Variants in TRAF3IP1 observed in about 807,000 individuals in gnomAD.
TRAF3IP1 encodes the protein TRAF3-interacting protein 1.
A neutral mutation model predicts 89.9 loss-of-function variants in TRAF3IP1; 53 were observed. That is an observed-to-expected ratio of 0.59 (90% CI 0.47 to 0.74). TRAF3IP1 has a LOEUF of 0.74. Ranked by LOEUF, TRAF3IP1 falls within the 30% of genes least tolerant of loss-of-function variation. The pLI, the probability that TRAF3IP1 is intolerant of heterozygous loss-of-function variation, is 0.00. For missense variants in TRAF3IP1, 806 were observed against 866.1 expected (o/e 0.93, Z 0.87); for synonymous variants, 311 against 322.1 (o/e 0.97, Z 0.37).
rs1225807691 is a variant in TRAF3IP1 at position 238,379,859 on chromosome 2, A to G, written c.1690-17600A>G. ...AAAATGATTAATATTTTAGTAAGAC[A>G]TTTAAAATAGCAAATCCAATTAGTT... On this transcript the variant is annotated intron_variant, in intron 15 of 16. Transcript: ENST00000373327. The surrounding 1 kb of genome is among the most constrained non-coding windows in gnomAD (Gnocchi z 4.0). Among the ~76,000 whole-genome samples the G allele has an allele frequency of 6.6e-6, 1 of 152,250 alleles. No individual in the cohort carries two copies. Among genetic ancestry groups the G allele is most frequent in the African/African-American group, 2.4e-5 (1 of 41,468 alleles).
At chr2:238,375,864 C>A (rs983393838) in intron 15 of TRAF3IP1, among the ~76,000 whole-genome samples, 1 of 152,050 alleles carries the variant, frequency 6.6e-6, no homozygotes, top group African/African-American at 2.4e-5. Context: ...ATGCTTAATC[C>A]ACCTGGAGTT....
In TRAF3IP1 at chr2:238,367,163, C is replaced by CAAAAAAAAAAAA. The variant is rs33964253; in HGVS notation, c.1689+11098_1689+11109dup. Among the ~76,000 whole-genome samples, 19 of 36,162 alleles carry CAAAAAAAAAAAA rather than the reference C, an allele frequency of 5.3e-4. 2 individuals are homozygous for CAAAAAAAAAAAA. The highest frequency in any genetic ancestry group is 8.1e-4 in the African/African-American group (6 of 7,378). 23.7% of individuals were successfully genotyped at this position (36,162 alleles called of 152,430 possible). On this transcript the variant is annotated intron_variant, in intron 15 of 16. Coordinates refer to ENST00000373327, the MANE Select transcript of TRAF3IP1 (RefSeq NM_015650.4). ...TGGGTGACAAAGCAAGACTCTGTCT[C>CAAAAAAAAAAAA]AAAAAAAAAAAAAAAAAAAAAAAAA...
intron 15 of TRAF3IP1, among the ~76,000 whole-genome samples, chr2:238,388,727 T>C (rs1319776187): frequency 1.3e-5 from 2 of 151,412 alleles, no homozygotes; most frequent in Non-Finnish European, 2.9e-5. Context: ...CTGTAACCTC[T>C]GCATCCTGGG....
intron 15 of TRAF3IP1, among the ~76,000 whole-genome samples, chr2:238,359,401 C>G (rs1367687594): frequency 6.6e-6 from 1 of 152,112 alleles, no homozygotes; most frequent in Admixed American, 6.5e-5. Context: ...CCCCTCTGCT[C>G]TGGTTCACTG....
chr2:238,373,740 C>T (rs1311612714), intron 15 of TRAF3IP1, among the ~76,000 whole-genome samples: 4 of 152,044 alleles, frequency 2.6e-5, no homozygotes, highest in Admixed American at 6.6e-5. Context: ...GCCATTTTCA[C>T]GATATTGATT....
chr2:238,358,653 T>G (rs1479121208), intron 15 of TRAF3IP1, among the ~76,000 whole-genome samples: 3 of 152,220 alleles, frequency 2.0e-5, no homozygotes, highest in Non-Finnish European at 4.4e-5. Flanking sequence ...CCTCGTGGTG[T>G]TTTTTGAGTT....
At chr2:238,358,712 GC>G (rs921722227) in intron 15 of TRAF3IP1, among the ~76,000 whole-genome samples, 2 of 152,060 alleles carry the variant, frequency 1.3e-5, no homozygotes, top group Non-Finnish European at 1.5e-5. Context: ...CTTTCTTCAT[GC>G]AGCATGTTTC....
At chr2:238,342,078 T>G (rs776762468) in intron 8 of TRAF3IP1, among the ~76,000 whole-genome samples, 6 of 152,242 alleles carry the variant, frequency 3.9e-5, no homozygotes, top group South Asian at 4.1e-4. Flanking sequence ...AACCTCCACC[T>G]CCTAGGTTCA....
rs976672507 is a variant in TRAF3IP1 at position 238,329,092 on chromosome 2, C to G, written c.665C>G (p.Ala222Gly). The change falls in exon 5 of 17, where the codon GCC becomes GGC. Residue 222 changes from alanine (A) to glycine (G), a missense_variant. Coordinates refer to ENST00000373327, the MANE Select transcript of TRAF3IP1 (RefSeq NM_015650.4). ...GAAGGGGAGAGAGAGAGAGCCAAAG[C>G]CCGGGCCAGGCCAGACAACGAGCGA... is the stretch of plus-strand genomic sequence containing the variant. Reference protein sequence around the residue: ...HREGERERAKARARPDNERQK... With the variant: ...HREGERERAKGRARPDNERQK... The G allele has an allele frequency of 8.4e-6, 13 of 1,550,848 alleles. No individual in the cohort carries two copies. Among genetic ancestry groups the G allele is most frequent in the Middle Eastern group, 1.7e-4 (1 of 5,972 alleles).
chr2:238,373,757 A>G (rs1446038819), intron 15 of TRAF3IP1, among the ~76,000 whole-genome samples: 1 of 152,184 alleles, frequency 6.6e-6, no homozygotes, highest in Admixed American at 6.5e-5. Context: ...GATTCTTCCT[A>G]TCCATGAGCA....
rs1355604314 is a variant in TRAF3IP1, at chr2:238,340,809, A to ATGTGTGTG, written c.1159+2354_1159+2355insTGTGTGTG. Among the ~76,000 whole-genome samples, 3 of 120,092 alleles carry ATGTGTGTG rather than the reference A, an allele frequency of 2.5e-5. No homozygotes were observed. The Admixed American group carries it at 2.5e-4, about 10-fold the overall frequency. 78.8% of individuals were successfully genotyped at this position (120,092 alleles called of 152,430 possible). On this transcript the variant is annotated intron_variant, in intron 8 of 16. Transcript: ENST00000373327. ...TTGCCATTTTGCTTAATGTACAGTT[A>ATGTGTGTG]TGCGTGTGTGTGTGTGTGTGTGTGT... is the stretch of plus-strand genomic sequence containing the variant.
At chr2:238,321,213 T>G (rs6706911) in intron 1 of TRAF3IP1, among the ~76,000 whole-genome samples, 109,492 of 152,186 alleles carry the variant, frequency 0.72, 39,584 homozygotes, top group Middle Eastern at 0.78. Context: ...CTGCCTGCCC[T>G]TGTATTTCCT....
At position 238,345,729 on chromosome 2, in the gene TRAF3IP1, T is replaced by C. The variant is rs1698861370; in HGVS notation, c.1261+1131T>C. On this transcript the variant is annotated intron_variant, in intron 9 of 16. Transcript: ENST00000373327. This position sits in a 1 kb window ranked among gnomAD's most constrained non-coding sequence, Gnocchi z 4.7. ...GTGCTGGGGGAGCTGGCCTGGAGCG[T>C]AGAGGGAAGGCCCAGGCTAGAGAGG... Among the ~76,000 whole-genome samples the C allele has an allele frequency of 6.6e-6, 1 of 151,668 alleles. No homozygotes were observed. Among genetic ancestry groups the C allele is most frequent in the Admixed American group, 6.6e-5 (1 of 15,226 alleles).
chr2:238,384,261 C>T (rs1700663791), intron 15 of TRAF3IP1, among the ~76,000 whole-genome samples: 1 of 152,080 alleles, frequency 6.6e-6, no homozygotes, highest in South Asian at 2.1e-4. Flanking sequence ...ACAACAGTTG[C>T]CTCTGATCTT....
chr2:238,351,867 G>GCA lies in TRAF3IP1; in HGVS notation c.1452-959_1452-958insAC, dbSNP rs1491536019. On this transcript the variant is annotated intron_variant, in intron 12 of 16. Coordinates refer to ENST00000373327, the MANE Select transcript of TRAF3IP1 (RefSeq NM_015650.4). The surrounding 1 kb of genome is among the most constrained non-coding windows in gnomAD (Gnocchi z 5.2). ...TGTGTGTGTGTGTGTGTGTGTGTGT[G>GCA]CGCGCGCGCGCGTGTGCGTGCATGT... 9.5e-6 allele frequency among the ~76,000 whole-genome samples: 1 copy of GCA among 104,952 alleles called. No homozygotes were observed. Among genetic ancestry groups the GCA allele is most frequent in the Non-Finnish European group, 1.8e-5 (1 of 56,028 alleles). 68.9% of individuals were successfully genotyped at this position (104,952 alleles called of 152,430 possible).
At chr2:238,371,306 G>A (rs1442293702) in intron 15 of TRAF3IP1, among the ~76,000 whole-genome samples, 2 of 151,768 alleles carry the variant, frequency 1.3e-5, no homozygotes, top group Non-Finnish European at 2.9e-5. Context: ...TTGGTGGGGG[G>A]AACAACCAAA....
intron 7 of TRAF3IP1, 46 bp downstream of exon 7, chr2:238,334,081 T>G (rs763577970): frequency 2.8e-6 from 4 of 1,433,252 alleles, no homozygotes; most frequent in South Asian, 1.3e-5. Context: ...GATATTAGTT[T>G]TTTTTTTTTT....
rs1699188397 is a variant in TRAF3IP1 at position 238,351,895 on chromosome 2, TTGTGTGTATGCGTGTGTGTGTGTGTG to T, written c.1452-920_1452-895del. Among the ~76,000 whole-genome samples, 1 of 148,490 alleles carries T rather than the reference TTGTGTGTATGCGTGTGTGTGTGTGTG, an allele frequency of 6.7e-6. No individual in the cohort carries two copies. The highest frequency in any genetic ancestry group is 1.5e-5 in the Non-Finnish European group (1 of 66,884). ...CGCGCGCGCGTGTGCGTGCATGTGC[TTGTGTGTATGCGTGTGTGTGTGTGTG>T]TGTGTGTATGCATGTGCACGCATGC... On this transcript the variant is annotated intron_variant, in intron 12 of 16. Coordinates refer to ENST00000373327, the MANE Select transcript of TRAF3IP1 (RefSeq NM_015650.4). This position sits in a 1 kb window ranked among gnomAD's most constrained non-coding sequence, Gnocchi z 5.2.
At chr2:238,374,806 A>C (rs888303577) in intron 15 of TRAF3IP1, among the ~76,000 whole-genome samples, 1 of 151,990 alleles carries the variant, frequency 6.6e-6, no homozygotes, top group African/African-American at 2.4e-5. Flanking sequence ...TTAATTTCAG[A>C]GCCTGTTATT....
Sources: allele counts gnomAD v4.1 joint callset (sites outside exome capture counted in the v4.1 genomes callset), GRCh38; gene constraint gnomAD v4.1.1; non-coding constraint Gnocchi (gnomAD v3.1); transcripts MANE v1.5; gene names NCBI Gene and HGNC (gene_info 2026-07-23, HGNC 2026-07-21).